MPND: variants seen among roughly 807,000 people sequenced by gnomAD.
MPND encodes MPN domain containing, also known as MPN domain-containing protein.
In MPND, 56 loss-of-function variants were observed where a neutral mutation model predicts 59.2. That is an observed-to-expected ratio of 0.95 (90% CI 0.76 to 1.18). The LOEUF (loss-of-function observed/expected upper bound fraction) is 1.18. Among genes scored for constraint, MPND ranks in the 50% most tolerant of loss-of-function variants. The pLI, the probability that MPND is intolerant of heterozygous loss-of-function variation, is 0.00. For missense variants in MPND, 671 were observed against 676.0 expected, an observed-to-expected ratio of 0.99 and a Z score of 0.08; for synonymous variants, 323 against 291.9, an observed-to-expected ratio of 1.11 and a Z score of -1.09.
At chr19:4,355,223 A>G (rs1972411437) in intron 8 of MPND, 50 bp downstream of exon 8, 3 of 1,593,038 alleles carry the variant, frequency 1.9e-6, no homozygotes, top group Non-Finnish European at 1.7e-6. Flanking sequence ...GGGAAGGGAC[A>G]TAGCTGTCCT....
chr19:4,358,106 C>T lies in MPND; in HGVS notation c.1260C>T (p.Ile420=), dbSNP rs758111531. ...AGCAAAGGCCCAGTGACTATGGCATCCCCATGGATGTGGAGATGGCCTACG... is the reference window on the plus strand; with the variant it reads ...AGCAAAGGCCCAGTGACTATGGCATTCCCATGGATGTGGAGATGGCCTACG... The part of the protein sequence containing the change: ...PPEQRPSDYG[I]PMDVEMAYVQ... Residue 420 remains isoleucine, a synonymous_variant, in exon 11 of 13, where the codon ATC becomes ATT. Transcript: ENST00000599840. 17 of 1,551,498 alleles carry T rather than the reference C, an allele frequency of 1.1e-5. No homozygotes were observed. The South Asian group carries it at 1.8e-4, about 16-fold the overall frequency.
chr19:4,352,762 C>T, intron 3 of MPND, 135 bp from the exon 4 acceptor site: 1 of 815,580 alleles, frequency 1.2e-6, no homozygotes, highest in Non-Finnish European at 1.7e-6. Context: ...TCTCTGCTCC[C>T]TCCCTCCCTC....
intron 6 of MPND, 91 bp from the exon 7 acceptor site, chr19:4,354,856 TGA>T (rs1972398358): frequency 5.3e-6 from 7 of 1,310,846 alleles, no homozygotes; most frequent in East Asian, 4.9e-5. Flanking sequence ...AGAGCAAGAC[TGA>T]GTCTCAAAGA....
intron 3 of MPND, among the ~76,000 whole-genome samples, chr19:4,350,635 G>A (rs1260146737): frequency 6.6e-6 from 1 of 152,134 alleles, no homozygotes; most frequent in Admixed American, 6.6e-5. Context: ...GCAAGTGGGT[G>A]GATCGAGCTG....
Position 4,357,507 on chromosome 19 carries a change from C to T in MPND, c.1166-8C>T. ...CCAGGGCCAACCCCTCTCCCTCTCT[C>T]CCGCCAGCCCCTTACTATTCTGGCA... On this transcript the variant is annotated splice_polypyrimidine_tract_variant and splice_region_variant and intron_variant, in intron 9 of 12. Coordinates refer to ENST00000599840, the MANE Select transcript of MPND (RefSeq NM_001300862.2). The T allele has an allele frequency of 3.1e-6, 5 of 1,612,944 alleles. No individual in the cohort carries two copies. The highest frequency in any genetic ancestry group is 1.1e-5 in the South Asian group (1 of 90,770).
At position 4,345,953 on chromosome 19, in the gene MPND, T is replaced by C; in HGVS notation, c.503T>C (p.Leu168Pro). ...GCCACCTGGCTCCGGCTGCACCAGC[T>C]GCACACGCCTGCCACGGCTGCTGAT... ...YKATWLRLHQ[L>P]HTPATAADES... The change falls in exon 3 of 13, where the codon CTG (leucine) becomes CCG (proline). Residue 168 changes from leucine (L) to proline (P), a missense_variant. Transcript: ENST00000599840. 1 of 1,612,544 alleles carries C rather than the reference T, an allele frequency of 6.2e-7. No homozygotes were observed. Among genetic ancestry groups the C allele is most frequent in the Non-Finnish European group, 8.5e-7 (1 of 1,179,714 alleles).
intron 3 of MPND, among the ~76,000 whole-genome samples, chr19:4,349,766 C>T (rs1972273052): frequency 6.6e-6 from 1 of 152,156 alleles, no homozygotes; most frequent in Non-Finnish European, 1.5e-5. Flanking sequence ...CCACCTCTGC[C>T]TCCCAAAGTG....
At chr19:4,349,442 G>C (rs1027104114) in intron 3 of MPND, among the ~76,000 whole-genome samples, 1 of 152,146 alleles carries the variant, frequency 6.6e-6, no homozygotes, top group African/African-American at 2.4e-5. Context: ...GCGAGTGGGA[G>C]GGATGGAGCG....
intron 3 of MPND, among the ~76,000 whole-genome samples, chr19:4,349,802 A>G (rs760847116): frequency 6.6e-5 from 10 of 152,206 alleles, no homozygotes; most frequent in Non-Finnish European, 1.3e-4. Context: ...TGAGCCAGCC[A>G]TGGAGCCTGG....
Position 4,355,016 on chromosome 19 carries a change from G to T in MPND, c.914G>T (p.Ser305Ile). 1 of 1,415,024 alleles carries T rather than the reference G, an allele frequency of 7.1e-7. No homozygotes were observed. The highest frequency in any genetic ancestry group is 9.7e-7 in the Non-Finnish European group (1 of 1,035,476). The allele number at this position is 1,415,024 out of a possible 1,614,324, so 87.7% of individuals were successfully genotyped here. A position where few individuals can be genotyped will look rare whatever the true frequency, so the allele number is the denominator to read the frequency against. The change falls in exon 7 of 13, where the codon AGC (serine) becomes ATC (isoleucine). Residue 305 changes from serine (S) to isoleucine (I), a missense_variant. Ser to Ile is a moderately radical substitution (Grantham distance 142, BLOSUM62 -2). Coordinates refer to ENST00000599840, the MANE Select transcript of MPND (RefSeq NM_001300862.2). ...GYLGGRWDVN[S>I]QMLTVLRAFP... ...CTGGGGGGCCGCTGGGACGTCAACA[G>T]CCAGAGTGGGTATCCAGGGCCAGGT...
chr19:4,359,093 C>T (rs1226118703), intron 11 of MPND, 70 bp from the exon 12 acceptor site: 29 of 1,057,902 alleles, frequency 2.7e-5, no homozygotes, highest in Non-Finnish European at 4.0e-5. Flanking sequence ...GAGACTGGAA[C>T]CCCAGGAGAG....
chr19:4,358,912 G>C (rs1400734955), intron 11 of MPND, among the ~76,000 whole-genome samples: 2 of 152,130 alleles, frequency 1.3e-5, no homozygotes, highest in African/African-American at 4.8e-5. Flanking sequence ...AACTGGGCTC[G>C]GTGAGTGCAG....
chr19:4,349,661 C>A (rs143989176), intron 3 of MPND, among the ~76,000 whole-genome samples: 229 of 152,252 alleles, frequency 1.5e-3, no homozygotes, highest in African/African-American at 5.1e-3. Context: ...CAGATGCCCA[C>A]TACCATGCCC....
At chr19:4,358,241 G>C in intron 11 of MPND, 69 bp downstream of exon 11, 2 of 1,381,106 alleles carry the variant, frequency 1.4e-6, no homozygotes, top group South Asian at 2.5e-5. Flanking sequence ...GCGTTGGTCT[G>C]CTTCCCACCG....
chr19:4,352,965 G>T lies in MPND; in HGVS notation c.600G>T (p.Gly200=), dbSNP rs1208583432. 3 of 1,392,504 alleles carry T rather than the reference G, an allele frequency of 2.2e-6. No homozygotes were observed. The highest frequency in any genetic ancestry group is 2.8e-6 in the Non-Finnish European group (3 of 1,065,784). The allele number at this position is 1,392,504 out of a possible 1,614,324, so 86.3% of individuals were successfully genotyped here. Residue 200 remains glycine (G), a synonymous_variant, in exon 4 of 13, where the codon GGG becomes GGT. Transcript: ENST00000599840. ...AGGAGGAGGAGGACGTTCTGGCAGGGGTCTCAGCAGAGGACAAGAGTCGGA... is the reference window on the plus strand; with the variant it reads ...AGGAGGAGGAGGACGTTCTGGCAGGTGTCTCAGCAGAGGACAAGAGTCGGA... The part of the protein sequence containing the change: ...MEEEEEDVLA[G]VSAEDKSRRP...
chr19:4,356,117 G>A (rs1972433964), intron 8 of MPND, among the ~76,000 whole-genome samples: 1 of 152,032 alleles, frequency 6.6e-6, no homozygotes, highest in Non-Finnish European at 1.5e-5. Flanking sequence ...CTCCCAAAGT[G>A]CTGGGATTAC....
In MPND at chr19:4,352,916, A is replaced by G; in HGVS notation, c.551A>G (p.Glu184Gly). Residue 184 changes from glutamate to glycine, a missense_variant, in exon 4 of 13, where the codon GAG becomes GGG. Physicochemically the swap from Glu to Gly is moderately conservative, Grantham distance 98 (BLOSUM62 -2). Transcript: ENST00000599840. Reference sequence around the variant, plus strand: ...CTGCAGAGCCCAGCCAGTGAAGGGGAGGAGGAGGAGTTGCTGATGGAAGAG... The same window carrying G: ...CTGCAGAGCCCAGCCAGTGAAGGGGGGGAGGAGGAGTTGCTGATGGAAGAG... ...AADESPASEGEEEELLMEEEE... is the reference protein window; with the variant it reads ...AADESPASEGGEEELLMEEEE... 3.6e-6 allele frequency: 5 copies of G among 1,390,122 alleles called. No individual in the cohort carries two copies. Among genetic ancestry groups the G allele is most frequent in the Non-Finnish European group, 3.8e-6 (4 of 1,062,826 alleles). The allele number at this position is 1,390,122 out of a possible 1,614,324, so 86.1% of individuals were successfully genotyped here. A position where few individuals can be genotyped will look rare whatever the true frequency, so the allele number is the denominator to read the frequency against.
In MPND at chr19:4,354,028, G is replaced by A. The variant is rs1190460222; in HGVS notation, c.665-17G>A. Reference sequence around the variant, plus strand: ...CTTGGGCTGGGGAGGGACTGACCCTGCCTTTTTCTCTCCCAGAGGCCACAA... The same window carrying A: ...CTTGGGCTGGGGAGGGACTGACCCTACCTTTTTCTCTCCCAGAGGCCACAA... On this transcript the variant is annotated splice_polypyrimidine_tract_variant and intron_variant, in intron 4 of 12. Coordinates refer to ENST00000599840, the MANE Select transcript of MPND (RefSeq NM_001300862.2). 6.2e-7 allele frequency: 1 copy of A among 1,608,688 alleles called. No homozygotes were observed. The highest frequency in any genetic ancestry group is 8.5e-7 in the Non-Finnish European group (1 of 1,175,674).
chr19:4,345,689 G>C, intron 2 of MPND, 56 bp from the exon 3 acceptor site: 1 of 1,552,086 alleles, frequency 6.4e-7, no homozygotes, highest in Non-Finnish European at 8.9e-7. Flanking sequence ...GACCCCCCGG[G>C]AGAGAGGGCA....
Sources: gnomAD v4.1 joint callset for allele counts (sites outside exome capture counted in the v4.1 genomes callset) on GRCh38, gnomAD v4.1.1 for gene constraint, MANE v1.5 for transcripts, NCBI Gene and HGNC (gene_info 2026-07-23, HGNC 2026-07-21) for gene names.